NRCAM: variants seen among roughly 807,000 people sequenced by gnomAD.
NRCAM encodes the protein NgCAM-related cell adhesion molecule.
NRCAM carries 83 observed loss-of-function variants against 156.5 expected under a neutral mutation model. The observed-to-expected ratio is 0.53, with a 90% CI of 0.44 to 0.64. The LOEUF (loss-of-function observed/expected upper bound fraction) is 0.64, where lower values mean the gene tolerates loss of function less well. Among genes scored for constraint, NRCAM ranks in the 30% least tolerant of loss-of-function variants. NRCAM has a pLI of 0.00. For missense variants in NRCAM, 1,417 were observed against 1,597.3 expected (o/e 0.89, Z 1.92); for synonymous variants, 538 against 563.9 (o/e 0.95, Z 0.65).
chr7:108,344,188 T>C (rs1438207660), intron 2 of NRCAM, among the ~76,000 whole-genome samples: 2 of 152,172 alleles, frequency 1.3e-5, no homozygotes, highest in Non-Finnish European at 2.9e-5. Context: ...ACTAGCTGGA[T>C]TTCCTAGGCC....
rs116130405 is a variant in NRCAM at position 108,214,661 on chromosome 7, G to A, written c.891-5056C>T. Among the ~76,000 whole-genome samples the A allele has an allele frequency of 8.9e-3, 1,346 of 151,848 alleles. 21 individuals are homozygous for A. Among genetic ancestry groups the A allele is most frequent in the African/African-American group, 0.031 (1,285 of 41,436 alleles). Reference sequence around the variant, plus strand: ...TTCTGCTAGCTTTTGAATTTGTTTCGGTTGCTTCTCTAGTTCTTTTAATTG... The same window carrying A: ...TTCTGCTAGCTTTTGAATTTGTTTCAGTTGCTTCTCTAGTTCTTTTAATTG... On this transcript the variant is annotated intron_variant, in intron 11 of 32. Coordinates refer to ENST00000379028, the MANE Select transcript of NRCAM (RefSeq NM_001037132.4).
At chr7:108,403,650 G>T (rs1384655829) in intron 1 of NRCAM, among the ~76,000 whole-genome samples, 2 of 152,276 alleles carry the variant, frequency 1.3e-5, no homozygotes, top group Middle Eastern at 3.4e-3. Flanking sequence ...AAACCCAGAA[G>T]AATGAGGTTT....
chr7:108,436,703 T>C (rs1360943191), intron 1 of NRCAM, among the ~76,000 whole-genome samples: 2 of 152,120 alleles, frequency 1.3e-5, no homozygotes, highest in African/African-American at 4.8e-5. Flanking sequence ...CAAATACTTT[T>C]TAAAAAGAAA....
intron 5 of NRCAM, among the ~76,000 whole-genome samples, chr7:108,236,996 T>C (rs974290805): frequency 6.6e-6 from 1 of 152,194 alleles, no homozygotes. Context: ...ACTGTCTGGA[T>C]ATACCTCCTT....
intron 13 of NRCAM, among the ~76,000 whole-genome samples, chr7:108,200,656 C>T (rs895070971): frequency 5.9e-5 from 9 of 152,134 alleles, no homozygotes; most frequent in Non-Finnish European, 5.9e-5. Flanking sequence ...CTTGCACACA[C>T]ATGTTGATAG....
intron 3 of NRCAM, among the ~76,000 whole-genome samples, chr7:108,287,411 A>G (rs1324321820): frequency 6.6e-6 from 1 of 152,114 alleles, no homozygotes; most frequent in African/African-American, 2.4e-5. Context: ...ATGGGACAAA[A>G]TATTTGTAAA....
At chr7:108,430,995 T>A (rs981342768) in intron 1 of NRCAM, among the ~76,000 whole-genome samples, 3 of 152,196 alleles carry the variant, frequency 2.0e-5, no homozygotes, top group Non-Finnish European at 2.9e-5. Flanking sequence ...TGTCCCCTAG[T>A]GTATTAATTA....
chr7:108,358,232 AC>A (rs1312297048), intron 2 of NRCAM, among the ~76,000 whole-genome samples: 1 of 104,548 alleles, frequency 9.6e-6, no homozygotes, highest in Non-Finnish European at 2.0e-5. Context: ...ACATGGTGAA[AC>A]CCCCTCTCTA....
intron 28 of NRCAM, among the ~76,000 whole-genome samples, chr7:108,172,498 G>A: frequency 6.6e-6 from 1 of 152,156 alleles, no homozygotes; most frequent in Non-Finnish European, 1.5e-5. Flanking sequence ...GTTTCACCAT[G>A]TTGGCCAGGC....
Position 108,147,820 on chromosome 7 carries a change from C to G in NRCAM, c.*2090G>C, listed in dbSNP as rs1315359152. The G allele has an allele frequency of 6.6e-6, 1 of 152,616 alleles. No homozygotes were observed. The highest frequency in any genetic ancestry group is 2.4e-5 in the African/African-American group (1 of 41,450). 9.5% of individuals were successfully genotyped at this position (152,616 alleles called of 1,614,324 possible). On this transcript the variant is annotated 3_prime_UTR_variant, in exon 33 of 33. Coordinates refer to ENST00000379028, the MANE Select transcript of NRCAM (RefSeq NM_001037132.4). ...AATTTTTAATACCAAATCTGTTGCA[C>G]TATTACAGAAGTGACCCTTTCATGC... is the stretch of plus-strand genomic sequence containing the variant.
chr7:108,288,118 T>C (rs1342536263), intron 3 of NRCAM, among the ~76,000 whole-genome samples: 1 of 152,134 alleles, frequency 6.6e-6, no homozygotes, highest in African/African-American at 2.4e-5. Flanking sequence ...ACCATTATCC[T>C]TAGTGAAATG....
chr7:108,453,415 T>C (rs1252156572), intron 1 of NRCAM, among the ~76,000 whole-genome samples: 1 of 152,214 alleles, frequency 6.6e-6, no homozygotes, highest in Non-Finnish European at 1.5e-5. Context: ...ATCATTGTTG[T>C]ATTGGCCTCA....
intron 1 of NRCAM, among the ~76,000 whole-genome samples, chr7:108,402,950 TAC>T (rs34345132): frequency 0.073 from 11,175 of 152,188 alleles, 588 homozygotes; most frequent in Non-Finnish European, 0.11. Flanking sequence ...AGAAAGACCA[TAC>T]GAGAGAGCAT....
intron 27 of NRCAM, among the ~76,000 whole-genome samples, chr7:108,175,625 A>C (rs2060197151): frequency 6.6e-6 from 1 of 152,168 alleles, no homozygotes; most frequent in Non-Finnish European, 1.5e-5. Context: ...ATACTTGTTG[A>C]TTATGTATGA....
Position 108,245,947 on chromosome 7 carries a change from T to G in NRCAM, c.-106-5777A>C, listed in dbSNP as rs1015434372. Among the ~76,000 whole-genome samples the G allele has an allele frequency of 1.4e-4, 19 of 131,074 alleles. 1 individual carries two copies. In the East Asian group the frequency reaches 4.3e-3, roughly 29 times the overall value. The allele number at this position is 131,074 out of a possible 152,430, so 86.0% of individuals were successfully genotyped here. A position where few individuals can be genotyped will look rare whatever the true frequency, so the allele number is the denominator to read the frequency against. On this transcript the variant is annotated intron_variant, in intron 3 of 32. Transcript: ENST00000379028. ...GAGATCTAAGACAAATGATGAAGCA[T>G]AGTTAATGAAAAGCTCATGTGTGTG...
At chr7:108,254,812 A>T (rs1231640735) in intron 3 of NRCAM, among the ~76,000 whole-genome samples, 1 of 152,088 alleles carries the variant, frequency 6.6e-6, no homozygotes, top group Non-Finnish European at 1.5e-5. Flanking sequence ...GGACCTCCCA[A>T]GTGCTTGGAT....
At chr7:108,277,266 A>T (rs1000343888) in intron 3 of NRCAM, among the ~76,000 whole-genome samples, 1 of 152,022 alleles carries the variant, frequency 6.6e-6, no homozygotes, top group African/African-American at 2.4e-5. Context: ...TATTTCCTGA[A>T]TTTGAATGTT....
chr7:108,347,828 T>C (rs2099374852), intron 2 of NRCAM, among the ~76,000 whole-genome samples: 1 of 152,182 alleles, frequency 6.6e-6, no homozygotes, highest in African/African-American at 2.4e-5. Flanking sequence ...CTGAGACCTG[T>C]CTTTGGTTGA....
intron 3 of NRCAM, among the ~76,000 whole-genome samples, chr7:108,272,533 T>A (rs557348053): frequency 7.6e-4 from 116 of 152,294 alleles, no homozygotes; most frequent in African/African-American, 2.7e-3. Flanking sequence ...GAGTTACTAA[T>A]ATGTTTGATC....
Sources: allele counts gnomAD v4.1 joint callset (sites outside exome capture counted in the v4.1 genomes callset), GRCh38; gene constraint gnomAD v4.1.1; transcripts MANE v1.5; gene names NCBI Gene and HGNC (gene_info 2026-07-23, HGNC 2026-07-21).